HS6ST3: variants seen among roughly 807,000 people sequenced by gnomAD.
The protein encoded by HS6ST3 is heparan-sulfate 6-O-sulfotransferase 3.
HS6ST3 carries 12 observed loss-of-function variants against 36.7 expected under a neutral mutation model. The observed-to-expected ratio is 0.33, with a 90% CI of 0.21 to 0.53. HS6ST3 has a LOEUF of 0.53. Ranked by LOEUF, HS6ST3 falls within the 20% of genes least tolerant of loss-of-function variation. The pLI, the probability that HS6ST3 is intolerant of heterozygous loss-of-function variation, is 0.95. For missense variants in HS6ST3, 584 were observed against 640.9 expected, an observed-to-expected ratio of 0.91 and a Z score of 0.96; for synonymous variants, 240 against 257.5, an observed-to-expected ratio of 0.93 and a Z score of 0.65.
chr13:96,332,761 T>C (rs535657625), intron 1 of HS6ST3, among the ~76,000 whole-genome samples: 1 of 152,224 alleles, frequency 6.6e-6, no homozygotes, highest in South Asian at 2.1e-4. Flanking sequence ...AACTGACTTG[T>C]GTAGTGTAGT....
intron 1 of HS6ST3, among the ~76,000 whole-genome samples, chr13:96,294,346 T>G (rs1302257515): frequency 2.0e-5 from 3 of 152,188 alleles, no homozygotes; most frequent in Non-Finnish European, 4.4e-5. Context: ...ATATTCCTAG[T>G]GTATGGTATA....
intron 1 of HS6ST3, among the ~76,000 whole-genome samples, chr13:96,536,113 T>G (rs2056154349): frequency 6.6e-6 from 1 of 152,212 alleles, no homozygotes; most frequent in African/African-American, 2.4e-5. Flanking sequence ...CATGCTTAAA[T>G]TTTCAACGTG....
At chr13:96,682,877 C>T (rs149641276) in intron 1 of HS6ST3, among the ~76,000 whole-genome samples, 2 of 152,144 alleles carry the variant, frequency 1.3e-5, no homozygotes, top group Non-Finnish European at 2.9e-5. Flanking sequence ...AAAAGAAAAT[C>T]GTTGACACAT....
chr13:96,495,372 C>T (rs2055969774), intron 1 of HS6ST3, among the ~76,000 whole-genome samples: 1 of 152,076 alleles, frequency 6.6e-6, no homozygotes, highest in African/African-American at 2.4e-5. Context: ...TTTCTTATTA[C>T]AAAAATTTTA....
At chr13:96,157,081 G>T (rs1414018177) in intron 1 of HS6ST3, among the ~76,000 whole-genome samples, 1 of 152,178 alleles carries the variant, frequency 6.6e-6, no homozygotes, top group Non-Finnish European at 1.5e-5. Flanking sequence ...TATTAAACAA[G>T]GATAATGACA....
At chr13:96,165,184 G>A (rs1432940675) in intron 1 of HS6ST3, among the ~76,000 whole-genome samples, 1 of 152,186 alleles carries the variant, frequency 6.6e-6, no homozygotes, top group Non-Finnish European at 1.5e-5. Context: ...TAGGGGGAAT[G>A]TGAGCAGAGC....
At chr13:96,572,396 T>C (rs3858769) in intron 1 of HS6ST3, among the ~76,000 whole-genome samples, 22,144 of 152,194 alleles carry the variant, frequency 0.15, 2,019 homozygotes, top group African/African-American at 0.26. Context: ...ATAAATGAGA[T>C]TCAATAGCAC....
At chr13:96,213,806 G>C (rs1045188981) in intron 1 of HS6ST3, among the ~76,000 whole-genome samples, 1 of 152,128 alleles carries the variant, frequency 6.6e-6, no homozygotes, top group African/African-American at 2.4e-5. Context: ...GGATATGTTT[G>C]GATATTTTGA....
At chr13:96,355,651 A>G (rs2055206731) in intron 1 of HS6ST3, among the ~76,000 whole-genome samples, 1 of 152,168 alleles carries the variant, frequency 6.6e-6, no homozygotes, top group Non-Finnish European at 1.5e-5. Context: ...TGAGCCTTCC[A>G]TGAGTCATAA....
At chr13:96,184,266 C>G (rs534057318) in intron 1 of HS6ST3, among the ~76,000 whole-genome samples, 1 of 146,466 alleles carries the variant, frequency 6.8e-6, no homozygotes, top group African/African-American at 2.5e-5. Flanking sequence ...TAAGATTTAT[C>G]TATGTGTATT....
At chr13:96,539,987 A>G (rs1271954831) in intron 1 of HS6ST3, among the ~76,000 whole-genome samples, 5 of 152,244 alleles carry the variant, frequency 3.3e-5, no homozygotes, top group Non-Finnish European at 7.3e-5. Flanking sequence ...AGTCTTCCTG[A>G]TGAGTGACAA....
chr13:96,242,978 C>CAT (rs2054568424), intron 1 of HS6ST3, among the ~76,000 whole-genome samples: 1 of 152,134 alleles, frequency 6.6e-6, no homozygotes, highest in Non-Finnish European at 1.5e-5. Flanking sequence ...GTGGTATACA[C>CAT]ATACCATGTA....
intron 1 of HS6ST3, among the ~76,000 whole-genome samples, chr13:96,178,812 C>T (rs932880098): frequency 6.6e-6 from 1 of 152,102 alleles, no homozygotes; most frequent in Non-Finnish European, 1.5e-5. Flanking sequence ...TGGGCACAGA[C>T]ACCACTGCCC....
chr13:96,721,109 C>T (rs886497361), intron 1 of HS6ST3, among the ~76,000 whole-genome samples: 1 of 152,218 alleles, frequency 6.6e-6, no homozygotes, highest in African/African-American at 2.4e-5. Flanking sequence ...CCCTCTCCTG[C>T]TGATTGTCTC....
intron 1 of HS6ST3, among the ~76,000 whole-genome samples, chr13:96,315,688 T>A (rs924632946): frequency 1.5e-4 from 23 of 152,204 alleles, no homozygotes; most frequent in East Asian, 1.2e-3. Flanking sequence ...CCATTTTTTT[T>A]TAAAAAAAGG....
chr13:96,459,010 A>G (rs918195877), intron 1 of HS6ST3, among the ~76,000 whole-genome samples: 5 of 150,180 alleles, frequency 3.3e-5, no homozygotes, highest in Admixed American at 2.0e-4. Flanking sequence ...AAGCTGAGAC[A>G]GGAGAATTGT....
intron 1 of HS6ST3, among the ~76,000 whole-genome samples, chr13:96,235,170 C>T (rs1412371995): frequency 6.6e-6 from 1 of 152,054 alleles, no homozygotes; most frequent in Non-Finnish European, 1.5e-5. Context: ...GAAGTAGTTT[C>T]CCATAGTTCG....
intron 1 of HS6ST3, among the ~76,000 whole-genome samples, chr13:96,389,777 A>G (rs553877175): frequency 5.9e-4 from 90 of 152,340 alleles, no homozygotes; most frequent in African/African-American, 2.1e-3. Context: ...ACTAAGGACT[A>G]AATAGCTGAA....
intron 1 of HS6ST3, among the ~76,000 whole-genome samples, chr13:96,349,455 G>A (rs2055171592): frequency 1.3e-5 from 2 of 152,038 alleles, no homozygotes; most frequent in East Asian, 1.9e-4. Context: ...CAAAAGTGCT[G>A]CGTCACATTT....
Sources: allele counts gnomAD v4.1 joint callset (sites outside exome capture counted in the v4.1 genomes callset), GRCh38; gene constraint gnomAD v4.1.1; transcripts MANE v1.5; gene names NCBI Gene and HGNC (gene_info 2026-07-23, HGNC 2026-07-21).